Variants in NAALADL2 observed in about 807,000 individuals in gnomAD.
NAALADL2 encodes N-acetylated alpha-linked acidic dipeptidase like 2.
In NAALADL2, 76 loss-of-function variants were observed where a neutral mutation model predicts 87.2. That is an observed-to-expected ratio of 0.87 (90% confidence interval 0.72 to 1.05). The LOEUF (loss-of-function observed/expected upper bound fraction) is 1.05. NAALADL2 is among the 50% of genes least tolerant of loss of function. NAALADL2 has a pLI of 0.00. For missense variants in NAALADL2, 1,089 were observed against 945.8 expected, an observed-to-expected ratio of 1.15 and a Z score of -1.99; for synonymous variants, 354 against 331.0, an observed-to-expected ratio of 1.07 and a Z score of -0.75.
chr3:174,538,501 C>T (rs1040576260), intron 1 of NAALADL2, among the ~76,000 whole-genome samples: 3 of 152,068 alleles, frequency 2.0e-5, no homozygotes, highest in Non-Finnish European at 2.9e-5. Context: ...AATAAATTTA[C>T]TTGACATATT....
intron 1 of NAALADL2, among the ~76,000 whole-genome samples, chr3:174,981,338 A>T (rs1579844808): frequency 1.3e-5 from 2 of 152,200 alleles, no homozygotes; most frequent in African/African-American, 4.8e-5. Flanking sequence ...TAATCTTTAT[A>T]AACCCCAACA....
intron 4 of NAALADL2, among the ~76,000 whole-genome samples, chr3:175,260,485 T>A (rs1750844715): frequency 6.6e-6 from 1 of 152,228 alleles, no homozygotes; most frequent in Admixed American, 6.5e-5. Flanking sequence ...GAAGCATGTA[T>A]TAAACATAGT....
At chr3:175,425,887 C>A (rs976036345) in intron 5 of NAALADL2, among the ~76,000 whole-genome samples, 3 of 151,884 alleles carry the variant, frequency 2.0e-5, no homozygotes, top group African/African-American at 7.3e-5. Context: ...TGTTTTTCAG[C>A]TGAGGAAATA....
At chr3:174,445,941 A>C (rs2108262816) in intron 1 of NAALADL2, among the ~76,000 whole-genome samples, 1 of 152,262 alleles carries the variant, frequency 6.6e-6, no homozygotes, top group South Asian at 2.1e-4. Context: ...TTTGTTTGCC[A>C]GTTAAAAGCA....
intron 11 of NAALADL2, among the ~76,000 whole-genome samples, chr3:175,670,016 A>G (rs1165975287): frequency 2.0e-5 from 3 of 152,060 alleles, no homozygotes; most frequent in Non-Finnish European, 4.4e-5. Context: ...AGCAAACACA[A>G]ATGTAGAGCT....
intron 11 of NAALADL2, among the ~76,000 whole-genome samples, chr3:175,673,075 G>C (rs1006156485): frequency 2.3e-4 from 35 of 152,054 alleles, no homozygotes; most frequent in African/African-American, 8.0e-4. Flanking sequence ...CTCTTGCAAG[G>C]TTATTTCCCT....
At chr3:175,613,877 G>A (rs1724991087) in intron 10 of NAALADL2, among the ~76,000 whole-genome samples, 1 of 152,106 alleles carries the variant, frequency 6.6e-6, no homozygotes, top group Non-Finnish European at 1.5e-5. Context: ...TTCAATTCAT[G>A]TTATAGAATA....
chr3:174,842,633 A>G (rs1579163034), intron 3 of NAALADL2, among the ~76,000 whole-genome samples: 1 of 152,328 alleles, frequency 6.6e-6, no homozygotes, highest in African/African-American at 2.4e-5. Flanking sequence ...AATTTGGGAT[A>G]GTGTTATTCA....
rs566662444 is a variant in NAALADL2, at chr3:175,043,180, A to G, written c.44-53610A>G. Among the ~76,000 whole-genome samples, 7 of 152,246 alleles carry G rather than the reference A, an allele frequency of 4.6e-5. No individual in the cohort carries two copies. The East Asian group carries it at 1.4e-3, about 29-fold the overall frequency. ...ACAGTAATCCAAACCAGACTAACACAAAGTCCTTTGCCCATTTTTAAAATA... is the reference window on the plus strand; with the variant it reads ...ACAGTAATCCAAACCAGACTAACACGAAGTCCTTTGCCCATTTTTAAAATA... On this transcript the variant is annotated intron_variant, in intron 1 of 13. Transcript: ENST00000454872.
chr3:175,098,366 T>A (rs116793035), intron 2 of NAALADL2, among the ~76,000 whole-genome samples: 3,082 of 152,272 alleles, frequency 0.02, 52 homozygotes, highest in Admixed American at 0.031. Context: ...AGAGAAATGC[T>A]TCCATCAGTG....
At chr3:175,160,360 CTTTTTTTTTTTT>C (rs71164618) in intron 2 of NAALADL2, among the ~76,000 whole-genome samples, 3 of 57,036 alleles carry the variant, frequency 5.3e-5, no homozygotes, top group Admixed American at 4.6e-4. Context: ...TCTTTTCTTT[CTTTTTTTTTTTT>C]TTTTTTTTTT....
At chr3:175,248,797 TTA>T (rs1748481103) in intron 3 of NAALADL2, among the ~76,000 whole-genome samples, 2 of 152,168 alleles carry the variant, frequency 1.3e-5, no homozygotes, top group Admixed American at 6.5e-5. Context: ...TATAGTATTA[TTA>T]TATGATTTTT....
chr3:174,626,699 T>C (rs566191185), intron 2 of NAALADL2, among the ~76,000 whole-genome samples: 2 of 152,114 alleles, frequency 1.3e-5, no homozygotes, highest in East Asian at 1.9e-4. Context: ...ACTATAATAA[T>C]TTATTATTGT....
intron 10 of NAALADL2, among the ~76,000 whole-genome samples, chr3:175,614,717 T>C (rs1198510643): frequency 6.6e-6 from 1 of 152,208 alleles, no homozygotes; most frequent in Non-Finnish European, 1.5e-5. Context: ...ATATAGTGTT[T>C]TGAATATGAG....
intron 1 of NAALADL2, among the ~76,000 whole-genome samples, chr3:175,018,363 A>G (rs1219360815): frequency 6.6e-6 from 1 of 152,068 alleles, no homozygotes; most frequent in African/African-American, 2.4e-5. Flanking sequence ...ATTAAGCAAA[A>G]TAGAGAAGGC....
chr3:174,834,344 A>G (rs1242225874), intron 3 of NAALADL2, among the ~76,000 whole-genome samples: 3 of 146,894 alleles, frequency 2.0e-5, no homozygotes, highest in Non-Finnish European at 4.5e-5. Context: ...CCTAGAGTAA[A>G]CATCATACCT....
At chr3:175,748,324 G>A (rs1746187509) in intron 12 of NAALADL2, among the ~76,000 whole-genome samples, 1 of 152,150 alleles carries the variant, frequency 6.6e-6, no homozygotes, top group African/African-American at 2.4e-5. Context: ...ATGATAAAAA[G>A]GACTACTGTT....
chr3:174,500,074 T>A lies in NAALADL2; in HGVS notation c.-183-50495T>A, dbSNP rs140532693. Among the ~76,000 whole-genome samples the A allele has an allele frequency of 4.3e-3, 662 of 152,248 alleles. 6 individuals are homozygous for A. Among genetic ancestry groups the A allele is most frequent in the Middle Eastern group, 0.01 (3 of 294 alleles). On this transcript the variant is annotated intron_variant, in intron 1 of 3. Coordinates refer to the NAALADL2 transcript ENST00000434257. Reference sequence around the variant, plus strand: ...CCTTGAAAAAAGGTGTGCCTCTCTGTTTACATGTATCTTTTTTATTTCTCT... The same window carrying A: ...CCTTGAAAAAAGGTGTGCCTCTCTGATTACATGTATCTTTTTTATTTCTCT...
chr3:174,752,725 A>AT (rs1351721899), intron 3 of NAALADL2, among the ~76,000 whole-genome samples: 1 of 151,624 alleles, frequency 6.6e-6, no homozygotes, highest in Admixed American at 6.6e-5. Context: ...ATTTTTGTTA[A>AT]TTTTTTATGG....
Sources: gnomAD v4.1 joint callset for allele counts (sites outside exome capture counted in the v4.1 genomes callset) on GRCh38, gnomAD v4.1.1 for gene constraint, MANE v1.5 for transcripts, NCBI Gene and HGNC (gene_info 2026-07-23, HGNC 2026-07-21) for gene names.